The following NUBPL variants were observed in gnomAD, a reference collection of about 807,000 sequenced individuals.
NUBPL encodes iron-sulfur cluster transfer protein NUBPL.
Under a neutral mutation model 45.7 loss-of-function variants are expected in NUBPL, and 31 were observed. The observed-to-expected ratio is 0.68, with a 90% CI of 0.51 to 0.92. The LOEUF (loss-of-function observed/expected upper bound fraction) is 0.92, where lower values mean the gene tolerates loss of function less well. Among genes scored for constraint, NUBPL ranks in the 40% least tolerant of loss-of-function variants. The pLI is 0.00. For synonymous variants in NUBPL, 144 were observed against 140.9 expected (o/e 1.02, Z -0.15); for missense variants, 401 against 398.7 (o/e 1.01, Z -0.05).
intron 4 of NUBPL, among the ~76,000 whole-genome samples, chr14:31,659,104 A>G (rs112578672): frequency 1.3e-5 from 2 of 152,292 alleles, no homozygotes; most frequent in Non-Finnish European, 2.9e-5. Context: ...ACTTTCCCCA[A>G]CTGTAAAATG....
At chr14:31,810,910 G>A (rs2039790980) in intron 7 of NUBPL, among the ~76,000 whole-genome samples, 1 of 152,158 alleles carries the variant, frequency 6.6e-6, no homozygotes, top group African/African-American at 2.4e-5. Flanking sequence ...ATTCTGGGTT[G>A]AAAATTCTTT....
intron 4 of NUBPL, among the ~76,000 whole-genome samples, chr14:31,666,019 G>A (rs929330447): frequency 4.0e-5 from 6 of 151,290 alleles, no homozygotes; most frequent in Non-Finnish European, 8.8e-5. Flanking sequence ...TTGGTTTAAA[G>A]TCTGTTTTAT....
intron 8 of NUBPL, among the ~76,000 whole-genome samples, chr14:31,840,111 C>T (rs1328929452): frequency 6.6e-6 from 1 of 152,130 alleles, no homozygotes; most frequent in Non-Finnish European, 1.5e-5. Flanking sequence ...GGGAATATAT[C>T]CAAAGGAACC....
At chr14:31,701,415 G>A (rs2037335710) in intron 6 of NUBPL, among the ~76,000 whole-genome samples, 1 of 152,240 alleles carries the variant, frequency 6.6e-6, no homozygotes, top group Non-Finnish European at 1.5e-5. Context: ...CAGGATGTGG[G>A]TGGGGTCAGA....
chr14:31,762,373 A>G (rs1219806316), intron 6 of NUBPL, among the ~76,000 whole-genome samples: 5 of 152,160 alleles, frequency 3.3e-5, no homozygotes, highest in East Asian at 1.9e-4. Context: ...AAGGACATCA[A>G]ATACCTTACT....
intron 4 of NUBPL, among the ~76,000 whole-genome samples, chr14:31,649,635 A>C (rs1420153307): frequency 6.6e-6 from 1 of 152,250 alleles, no homozygotes; most frequent in Non-Finnish European, 1.5e-5. Context: ...CCATTTTTGT[A>C]TAATAAAGTC....
intron 4 of NUBPL, among the ~76,000 whole-genome samples, chr14:31,624,973 A>G (rs1194895434): frequency 6.6e-6 from 1 of 152,244 alleles, no homozygotes; most frequent in Non-Finnish European, 1.5e-5. Flanking sequence ...CTCTCCCACA[A>G]CAAATTATTA....
rs141619188 is a variant in NUBPL at position 31,610,792 on chromosome 14, T to C, written c.382+11413T>C. ...GGTTCAGCACAAGCAAATCAATTAATGTGATGCAGTGTATCAACAGAATGA... is the reference window on the plus strand; with the variant it reads ...GGTTCAGCACAAGCAAATCAATTAACGTGATGCAGTGTATCAACAGAATGA... On this transcript the variant is annotated intron_variant, in intron 4 of 10. Coordinates refer to ENST00000281081, the MANE Select transcript of NUBPL (RefSeq NM_025152.3). Among the ~76,000 whole-genome samples the C allele has an allele frequency of 3.0e-4, 46 of 152,220 alleles. 1 individual carries two copies. In the Middle Eastern group the frequency reaches 0.01, roughly 34 times the overall value.
intron 6 of NUBPL, among the ~76,000 whole-genome samples, chr14:31,750,708 T>C (rs1948981701): frequency 6.6e-6 from 1 of 151,300 alleles, no homozygotes; most frequent in South Asian, 2.1e-4. Context: ...CTTTTTCTTG[T>C]AGTTGTTTCC....
At chr14:31,843,925 A>T (rs942115896) in intron 8 of NUBPL, 1 of 152,226 alleles carries the variant, frequency 6.6e-6, no homozygotes, top group Non-Finnish European at 1.5e-5. Flanking sequence ...ATTACAGTAC[A>T]AGCTCCAAAG....
intron 4 of NUBPL, among the ~76,000 whole-genome samples, chr14:31,603,359 T>A (rs1459940765): frequency 6.6e-6 from 1 of 151,312 alleles, no homozygotes; most frequent in Non-Finnish European, 1.5e-5. Context: ...GAAAAACTGA[T>A]AATTTTTTTA....
intron 4 of NUBPL, among the ~76,000 whole-genome samples, chr14:31,601,528 A>G (rs2034433877): frequency 6.6e-6 from 1 of 152,188 alleles, no homozygotes; most frequent in African/African-American, 2.4e-5. Flanking sequence ...AATGAACTCA[A>G]ACAAATTTAC....
chr14:31,860,041 A>G lies in NUBPL; in HGVS notation c.*861A>G, dbSNP rs2040687850. 6.6e-6 allele frequency: 1 copy of G among 152,168 alleles called. No individual in the cohort carries two copies. Among genetic ancestry groups the G allele is most frequent in the Non-Finnish European group, 1.5e-5 (1 of 68,054 alleles). The allele number at this position is 152,168 out of a possible 1,614,324, so 9.4% of individuals were successfully genotyped here. On this transcript the variant is annotated 3_prime_UTR_variant, in exon 11 of 11. Transcript: ENST00000281081. ...CGGTGGTGGCTAGGCGTGGTGGCTC[A>G]CGCCTGTAATCCCAGCACTTTGGGA...
At chr14:31,846,301 C>G in intron 8 of NUBPL, 170 bp from the exon 9 acceptor site, 2 of 632,656 alleles carry the variant, frequency 3.2e-6, no homozygotes, top group Non-Finnish European at 5.7e-6. Flanking sequence ...ATGTCTTGCT[C>G]TCTTACTAGC....
chr14:31,576,494 T>C (rs2033720561), intron 3 of NUBPL, among the ~76,000 whole-genome samples: 1 of 152,194 alleles, frequency 6.6e-6, no homozygotes, highest in African/African-American at 2.4e-5. Flanking sequence ...CTCTTGGGCT[T>C]AAGTCGTCTT....
chr14:31,617,259 C>T (rs1295514273), intron 4 of NUBPL, among the ~76,000 whole-genome samples: 2 of 152,110 alleles, frequency 1.3e-5, no homozygotes, highest in Non-Finnish European at 2.9e-5. Context: ...ATTGAATACC[C>T]TTTATGTTTC....
At chr14:31,752,908 C>T (rs1433061062) in intron 6 of NUBPL, among the ~76,000 whole-genome samples, 1 of 152,204 alleles carries the variant, frequency 6.6e-6, no homozygotes, top group Non-Finnish European at 1.5e-5. Context: ...GGACTTTCTT[C>T]ATATGGTGGC....
intron 6 of NUBPL, among the ~76,000 whole-genome samples, chr14:31,688,303 C>T (rs1320848479): frequency 2.6e-5 from 4 of 152,184 alleles, no homozygotes; most frequent in Non-Finnish European, 4.4e-5. Context: ...CTGGGCCAGG[C>T]GCGGTGGTTC....
chr14:31,675,092 G>A (rs541221386), intron 6 of NUBPL, among the ~76,000 whole-genome samples: 2 of 150,962 alleles, frequency 1.3e-5, no homozygotes, highest in South Asian at 2.1e-4. Context: ...AGCCGAGATC[G>A]TGCCACTGCA....
Sources: gnomAD v4.1 joint callset for allele counts (sites outside exome capture counted in the v4.1 genomes callset) on GRCh38, gnomAD v4.1.1 for gene constraint, MANE v1.5 for transcripts, NCBI Gene and HGNC (gene_info 2026-07-23, HGNC 2026-07-21) for gene names.